The following CHD8 variants were observed in gnomAD, a reference collection of about 807,000 sequenced individuals.
The protein encoded by CHD8 is ATP-dependent chromatin remodeler CHD8.
Under a neutral mutation model 279.2 loss-of-function variants are expected in CHD8, and 31 were observed. That is an observed-to-expected ratio of 0.11 (90% CI 0.08 to 0.15). The LOEUF is 0.15. Ranked by LOEUF, CHD8 falls within the 10% of genes least tolerant of loss-of-function variation. CHD8 has a pLI of 1.00. For synonymous variants in CHD8, 1,081 were observed against 1,139.6 expected (o/e 0.95, Z 1.04); for missense variants, 2,146 against 3,230.5 (o/e 0.66, Z 8.14).
Position 21,385,487 on chromosome 14 carries a change from C to A in CHD8, c.*126G>T. 1 of 1,304,636 alleles carries A rather than the reference C, an allele frequency of 7.7e-7. No individual in the cohort carries two copies. The highest frequency in any genetic ancestry group is 2.1e-5 in the South Asian group (1 of 48,492). The allele number at this position is 1,304,636 out of a possible 1,614,324, so 80.8% of individuals were successfully genotyped here. A position where few individuals can be genotyped will look rare whatever the true frequency, so the allele number is the denominator to read the frequency against. On this transcript the variant is annotated 3_prime_UTR_variant, in exon 38 of 38. Transcript: ENST00000646647. ...TCAGGTACATTTTTTTTTTTTTTTCCTTTTCACCTCCTGGAGTCCTGGACT... is the reference window on the plus strand; with the variant it reads ...TCAGGTACATTTTTTTTTTTTTTTCATTTTCACCTCCTGGAGTCCTGGACT...
At chr14:21,390,234 T>C (rs1887465480) in intron 37 of CHD8, among the ~76,000 whole-genome samples, 1 of 152,032 alleles carries the variant, frequency 6.6e-6, no homozygotes. Context: ...AGACCATGTC[T>C]CAAAAAAACA....
chr14:21,428,391 C>A (rs988266451), intron 3 of CHD8, 137 bp from the exon 4 acceptor site: 10 of 752,602 alleles, frequency 1.3e-5, no homozygotes, highest in Non-Finnish European at 1.9e-5. Context: ...TCTTATTGAA[C>A]CTACACCTAC....
At chr14:21,409,588 AT>A (rs1481105369) in intron 11 of CHD8, among the ~76,000 whole-genome samples, 2 of 152,192 alleles carry the variant, frequency 1.3e-5, no homozygotes, top group Non-Finnish European at 2.9e-5. Flanking sequence ...ACACTGTAAT[AT>A]TTACAGATGA....
intron 1 of CHD8, among the ~76,000 whole-genome samples, chr14:21,443,402 GAAC>G (rs1307637155): frequency 6.6e-6 from 1 of 151,954 alleles, no homozygotes; most frequent in Admixed American, 6.6e-5. Flanking sequence ...GAACCCAGGA[GAAC>G]AACAGAAATT....
chr14:21,437,255 T>G (rs1200723224), intron 1 of CHD8: 4 of 1,163,740 alleles, frequency 3.4e-6, no homozygotes, highest in Non-Finnish European at 4.3e-6. Flanking sequence ...CAGTTCCCCC[T>G]CCTCCTGCGC....
chr14:21,391,168 A>C, intron 36 of CHD8, 105 bp from the exon 37 acceptor site: 1 of 813,742 alleles, frequency 1.2e-6, no homozygotes, highest in South Asian at 1.7e-5. Flanking sequence ...TATTACATAG[A>C]TAAAGGATTC....
chr14:21,413,040 G>T, intron 9 of CHD8, 44 bp from the exon 10 acceptor site: 1 of 1,208,068 alleles, frequency 8.3e-7, no homozygotes, highest in Non-Finnish European at 1.2e-6. Context: ...AAAGATCACT[G>T]TCCAGTAAAC....
In CHD8 at chr14:21,393,646, G is replaced by C. The variant is rs2139447069; in HGVS notation, c.6149C>G (p.Thr2050Ser). ...DYEMRVSPSD[T>S]TPLVSRSVPP... ...AACACTCCGGGAAACCAGAGGGGTA[G>C]TATCAGAGGGGGATACTCGCATCTC... Residue 2050 changes from threonine (T) to serine (S), a missense_variant, in exon 32 of 38, where the codon ACT becomes AGT. Around this residue, in one of 26 missense-constraint regions of CHD8, gnomAD observed 513 missense variants for 637.6 expected, o/e 0.80. Transcript: ENST00000646647. The C allele has an allele frequency of 1.2e-6, 2 of 1,614,004 alleles. No individual in the cohort carries two copies. Among genetic ancestry groups the C allele is most frequent in the Non-Finnish European group, 1.7e-6 (2 of 1,179,888 alleles).
chr14:21,404,174 G>C (rs1203307571), intron 16 of CHD8, among the ~76,000 whole-genome samples: 2 of 151,480 alleles, frequency 1.3e-5, no homozygotes, highest in Non-Finnish European at 2.9e-5. Context: ...GAAGCGGGCA[G>C]ATCACCTGAG....
chr14:21,399,920 C>A, intron 25 of CHD8, 61 bp downstream of exon 25: 1 of 1,384,898 alleles, frequency 7.2e-7, no homozygotes, highest in Non-Finnish European at 1.0e-6. Context: ...ATGAAATAAG[C>A]AAACCAATCT....
At chr14:21,393,405 C>A in intron 32 of CHD8, 71 bp downstream of exon 32, 1 of 1,497,074 alleles carries the variant, frequency 6.7e-7, no homozygotes, top group Non-Finnish European at 8.9e-7. Context: ...CAAGAGGATG[C>A]ATTTAGAAAA....
Position 21,437,294 on chromosome 14 carries a change from G to A in CHD8, c.-215-5436C>T, listed in dbSNP as rs74492940. On this transcript the variant is annotated intron_variant, in intron 1 of 37. Transcript: ENST00000646647. Reference sequence around the variant, plus strand: ...CTAACCTGATGCTCCTGCCCGCCCCGCGCCATCATTGGCTGAAGCGCACTG... The same window carrying A: ...CTAACCTGATGCTCCTGCCCGCCCCACGCCATCATTGGCTGAAGCGCACTG... The A allele has an allele frequency of 2.7e-4, 305 of 1,134,538 alleles. 3 individuals are homozygous for A. The East Asian group carries it at 0.015, about 55-fold the overall frequency. 70.3% of individuals were successfully genotyped at this position (1,134,538 alleles called of 1,614,324 possible). A position where few individuals can be genotyped will look rare whatever the true frequency, so the allele number is the denominator to read the frequency against.
chr14:21,401,101 C>G, intron 21 of CHD8, 30 bp from the exon 22 acceptor site: 1 of 1,506,118 alleles, frequency 6.6e-7, no homozygotes, highest in Non-Finnish European at 9.0e-7. Context: ...AGAAGTAATT[C>G]TCTTCCTGAT....
chr14:21,424,095 T>G (rs865886473), intron 5 of CHD8, among the ~76,000 whole-genome samples: 1 of 152,220 alleles, frequency 6.6e-6, no homozygotes, highest in Non-Finnish European at 1.5e-5. Context: ...TTTACAAAGA[T>G]TACTCCACCG....
rs941924852 is a variant in CHD8 at position 21,402,934 on chromosome 14, A to C, written c.3714+83T>G. Reference sequence around the variant, plus strand: ...TAAGGAAACAATTCCAAACTCTGTGAAAGGTCTTTCTAAAAGATCCTATTC... The same window carrying C: ...TAAGGAAACAATTCCAAACTCTGTGCAAGGTCTTTCTAAAAGATCCTATTC... On this transcript the variant is annotated intron_variant, in intron 18 of 37. Transcript: ENST00000646647. The surrounding 1 kb of genome is among the most constrained non-coding windows in gnomAD (Gnocchi z 4.5). 65 of 1,186,516 alleles carry C rather than the reference A, an allele frequency of 5.5e-5. No individual in the cohort carries two copies. The highest frequency in any genetic ancestry group is 6.9e-5 in the Non-Finnish European group (58 of 841,136). The allele number at this position is 1,186,516 out of a possible 1,614,324, so 73.5% of individuals were successfully genotyped here.
At chr14:21,451,904 T>C (rs1032706733) in intron 1 of CHD8, among the ~76,000 whole-genome samples, 3 of 152,180 alleles carry the variant, frequency 2.0e-5, no homozygotes. Flanking sequence ...AAACATTAAG[T>C]AACTACAAAG....
Position 21,408,325 on chromosome 14 carries a change from C to T in CHD8, c.2717G>A (p.Cys906Tyr), listed in dbSNP as rs760090427. ...CATGCAACTCACCCGTGAATCTTTG[C>T]AGTACATTTCATACTGTTGAATCAT... is the stretch of plus-strand genomic sequence containing the variant. ...RQMIQQYEMY[C>Y]KDSRGRLIPG... The change falls in exon 13 of 38, where the codon TGC becomes TAC. Residue 906 changes from cysteine (C) to tyrosine (Y), a missense_variant. Coordinates refer to ENST00000646647, the MANE Select transcript of CHD8 (RefSeq NM_001170629.2). The surrounding 1 kb of genome is among the most constrained non-coding windows in gnomAD (Gnocchi z 4.3). 6.2e-7 allele frequency: 1 copy of T among 1,613,034 alleles called. No individual in the cohort carries two copies. Among genetic ancestry groups the T allele is most frequent in the South Asian group, 1.1e-5 (1 of 91,072 alleles).
In CHD8 at chr14:21,408,735, C is replaced by T. The variant is rs1312993781; in HGVS notation, c.2455G>A (p.Val819Ile). 1 of 1,610,744 alleles carries T rather than the reference C, an allele frequency of 6.2e-7. No homozygotes were observed. Among genetic ancestry groups the T allele is most frequent in the Non-Finnish European group, 8.5e-7 (1 of 1,178,274 alleles). The change falls in exon 12 of 38, where the codon GTT becomes ATT. Residue 819 changes from valine (V) to isoleucine (I), a missense_variant. By Grantham distance (29) the Val-to-Ile change is conservative. This residue lies in a region of CHD8 where 211 missense variants were observed against 464.7 expected (regional missense o/e 0.45). Transcript: ENST00000646647. This position sits in a 1 kb window ranked among gnomAD's most constrained non-coding sequence, Gnocchi z 4.3. ...NQLREYQLEGVNWLLFNWYNR... is the reference protein window; with the variant it reads ...NQLREYQLEGINWLLFNWYNR... ...TACCAATTAAAGAGCAGCCAATTAA[C>T]CCCTTCCAACTGATATTCCCGTAGC...
rs1161260296 is a variant in CHD8, at chr14:21,400,266, C to T, written c.4612G>A (p.Val1538Ile). Residue 1538 changes from valine (V) to isoleucine (I), a missense_variant, in exon 24 of 38, where the codon GTA becomes ATA. Transcript: ENST00000646647. This position sits in a 1 kb window ranked among gnomAD's most constrained non-coding sequence, Gnocchi z 4.2. ...PVPRGRKGKK[V>I]KSQSTFDIHK... is the part of the protein sequence containing the mutation. ...ATATCAAAAGTGCTTTGTGACTTTACTTTTTTTCCTTTGCGTCCACGAGGC... is the reference window on the plus strand; with the variant it reads ...ATATCAAAAGTGCTTTGTGACTTTATTTTTTTTCCTTTGCGTCCACGAGGC... 5.0e-6 allele frequency: 8 copies of T among 1,613,906 alleles called. No homozygotes were observed. Among genetic ancestry groups the T allele is most frequent in the African/African-American group, 1.3e-5 (1 of 75,022 alleles).
Sources: allele counts gnomAD v4.1 joint callset (sites outside exome capture counted in the v4.1 genomes callset), GRCh38; gene constraint gnomAD v4.1.1; regional missense constraint gnomAD v4.1.1; non-coding constraint Gnocchi (gnomAD v3.1); transcripts MANE v1.5; gene names NCBI Gene and HGNC (gene_info 2026-07-23, HGNC 2026-07-21).